SGPP2: variants seen among roughly 807,000 people sequenced by gnomAD.
SGPP2 encodes sphingosine-1-phosphate phosphatase 2, also known as sphingosine 1-phosphate phosphohydrolase 2.
A neutral mutation model predicts 33.9 loss-of-function variants in SGPP2; 30 were observed. The observed-to-expected ratio is 0.89, with a 90% CI of 0.66 to 1.20. SGPP2 has a LOEUF of 1.20. Among genes scored for constraint, SGPP2 ranks in the 50% most tolerant of loss-of-function variants. SGPP2 has a pLI of 0.00. For missense variants in SGPP2, 458 were observed against 532.1 expected (o/e 0.86, Z 1.37); for synonymous variants, 233 against 225.0 (o/e 1.04, Z -0.32).
intron 4 of SGPP2, among the ~76,000 whole-genome samples, chr2:222,526,018 A>G (rs1467429752): frequency 6.6e-6 from 1 of 152,208 alleles, no homozygotes; most frequent in Non-Finnish European, 1.5e-5. Flanking sequence ...CCAAGGGTCT[A>G]TCAGAGAGCA....
In SGPP2 at chr2:222,456,447, A is replaced by G. The variant is rs182911031; in HGVS notation, c.220-18121A>G. Among the ~76,000 whole-genome samples the G allele has an allele frequency of 1.4e-3, 206 of 152,326 alleles. 2 individuals are homozygous for G. The highest frequency in any genetic ancestry group is 4.7e-3 in the African/African-American group (197 of 41,560). On this transcript the variant is annotated intron_variant, in intron 1 of 4. Transcript: ENST00000321276. ...TTTTGTTAAATTTAAATAGCCACAT[A>G]TGGATACCATATTGAACAGCACAGC...
intron 4 of SGPP2, among the ~76,000 whole-genome samples, chr2:222,547,071 T>C (rs976874271): frequency 3.0e-4 from 45 of 152,182 alleles, no homozygotes; most frequent in African/African-American, 1.1e-3. Flanking sequence ...ACTGAAACAG[T>C]GTAGATGCAC....
At chr2:222,536,459 C>T (rs1473631520) in intron 4 of SGPP2, among the ~76,000 whole-genome samples, 1 of 152,278 alleles carries the variant, frequency 6.6e-6, no homozygotes, top group Middle Eastern at 3.4e-3. Context: ...GCAGGTGGAT[C>T]ACCTGAGGTC....
chr2:222,561,320 C>T lies in SGPP2; in HGVS notation c.*2422C>T, dbSNP rs116284465. 3.0e-3 allele frequency among the ~76,000 whole-genome samples: 460 copies of T among 152,076 alleles called. 2 individuals are homozygous for T. Among genetic ancestry groups the T allele is most frequent in the African/African-American group, 0.01 (434 of 41,492 alleles). ...CCCCTGCAGAGCAGTGGCTGTCAGC[C>T]GGATGCGGCACTTTTCTGTATTTTC... is the stretch of plus-strand genomic sequence containing the variant. On this transcript the variant is annotated 3_prime_UTR_variant, in exon 5 of 5. Coordinates refer to ENST00000321276, the MANE Select transcript of SGPP2 (RefSeq NM_152386.4).
intron 2 of SGPP2, among the ~76,000 whole-genome samples, chr2:222,517,320 G>T (rs1276307890): frequency 6.6e-6 from 1 of 152,208 alleles, no homozygotes; most frequent in Non-Finnish European, 1.5e-5. Context: ...CAGAAGAGCA[G>T]AAGAGCAGCA....
intron 1 of SGPP2, among the ~76,000 whole-genome samples, chr2:222,429,931 C>T (rs1249903010): frequency 6.6e-6 from 1 of 152,198 alleles, no homozygotes; most frequent in Non-Finnish European, 1.5e-5. Flanking sequence ...AAATAAACCA[C>T]TTTGGCTTCT....
At chr2:222,453,117 C>CAAA in intron 1 of SGPP2, 1 of 552,548 alleles carries the variant, frequency 1.8e-6, no homozygotes, top group Non-Finnish European at 3.1e-6. Flanking sequence ...CAGGACTATC[C>CAAA]TCAGATCCAT....
chr2:222,516,605 C>T (rs1698607410), intron 2 of SGPP2, among the ~76,000 whole-genome samples: 1 of 152,134 alleles, frequency 6.6e-6, no homozygotes, highest in Non-Finnish European at 1.5e-5. Flanking sequence ...AGAAACTTAT[C>T]ATATAAGTAT....
In SGPP2 at chr2:222,521,834, T is replaced by C. The variant is rs1351543185; in HGVS notation, c.446T>C (p.Val149Ala). The C allele has an allele frequency of 8.7e-6, 14 of 1,611,082 alleles. No individual in the cohort carries two copies. Among genetic ancestry groups the C allele is most frequent in the Non-Finnish European group, 1.2e-5 (14 of 1,179,020 alleles). ...TGGCCCCGTCCCTCCTCCCCTCCAG[T>C]TGTAAAACTGGAAAAGAGACTGATC... is the stretch of plus-strand genomic sequence containing the variant. ...LKWPRPSSPP[V>A]VKLEKRLIAE... Residue 149 changes from valine (V) to alanine (A), a missense_variant, in exon 3 of 5, where the codon GTT becomes GCT. Transcript: ENST00000321276.
intron 4 of SGPP2, among the ~76,000 whole-genome samples, chr2:222,533,957 C>G (rs1698877109): frequency 6.6e-6 from 1 of 152,080 alleles, no homozygotes; most frequent in African/African-American, 2.4e-5. Flanking sequence ...CCAACCCGTG[C>G]GAGCAGTGGC....
chr2:222,491,607 T>G lies in SGPP2; in HGVS notation c.378+16881T>G, dbSNP rs150877836. ...GATCCAATCACCTCCCACCTGGTCC[T>G]TCCCTCAACAGGTGCAGATTATGGG... On this transcript the variant is annotated intron_variant, in intron 2 of 4. Transcript: ENST00000321276. 7.5e-3 allele frequency among the ~76,000 whole-genome samples: 1,139 copies of G among 152,270 alleles called. 12 individuals are homozygous for G. Among genetic ancestry groups the G allele is most frequent in the African/African-American group, 0.023 (964 of 41,562 alleles).
intron 1 of SGPP2, among the ~76,000 whole-genome samples, chr2:222,426,918 G>T (rs1227475368): frequency 6.6e-6 from 1 of 152,176 alleles, no homozygotes; most frequent in East Asian, 1.9e-4. Flanking sequence ...GCGTTGGCCT[G>T]CCTGAGCTGC....
intron 1 of SGPP2, among the ~76,000 whole-genome samples, chr2:222,444,535 G>T (rs972426985): frequency 6.6e-6 from 1 of 152,222 alleles, no homozygotes; most frequent in Non-Finnish European, 1.5e-5. Context: ...AAGCCTGCTG[G>T]TCCCTGCTCT....
At chr2:222,431,231 C>G (rs1260867486) in intron 1 of SGPP2, among the ~76,000 whole-genome samples, 1 of 151,390 alleles carries the variant, frequency 6.6e-6, no homozygotes, top group Non-Finnish European at 1.5e-5. Context: ...TGGTGGCTCT[C>G]TTGAGGTCAG....
At chr2:222,463,885 T>C (rs376278725) in intron 1 of SGPP2, among the ~76,000 whole-genome samples, 1 of 152,188 alleles carries the variant, frequency 6.6e-6, no homozygotes, top group East Asian at 1.9e-4. Context: ...CAGAAAATGT[T>C]TTTTGAAGGG....
At chr2:222,449,584 C>T (rs1288355911) in intron 1 of SGPP2, among the ~76,000 whole-genome samples, 1 of 152,048 alleles carries the variant, frequency 6.6e-6, no homozygotes, top group Non-Finnish European at 1.5e-5. Context: ...ATTCTCCTGC[C>T]TCAGCCTCCC....
Position 222,555,928 on chromosome 2 carries a change from C to T in SGPP2, c.649-2419C>T, listed in dbSNP as rs565524561. Among the ~76,000 whole-genome samples the T allele has an allele frequency of 3.9e-5, 6 of 152,330 alleles. No individual in the cohort carries two copies. The South Asian group carries it at 1.2e-3, about 32-fold the overall frequency. ...CATTCTGATTGTTGTAGCAAGGTCA[C>T]ATGATTACCCCTGCGCTATTCACTA... On this transcript the variant is annotated intron_variant, in intron 4 of 4. Transcript: ENST00000321276.
chr2:222,541,715 G>A (rs1358379547), intron 4 of SGPP2, among the ~76,000 whole-genome samples: 2 of 152,022 alleles, frequency 1.3e-5, no homozygotes, highest in African/African-American at 4.8e-5. Context: ...CTGGGTGCAA[G>A]TGATTCTCGT....
At chr2:222,433,765 T>G (rs1411693735) in intron 1 of SGPP2, among the ~76,000 whole-genome samples, 3 of 152,224 alleles carry the variant, frequency 2.0e-5, no homozygotes, top group Non-Finnish European at 2.9e-5. Context: ...ATGAATAACT[T>G]TTTAATTGCT....
Sources: gnomAD v4.1 joint callset for allele counts (sites outside exome capture counted in the v4.1 genomes callset) on GRCh38, gnomAD v4.1.1 for gene constraint, MANE v1.5 for transcripts, NCBI Gene and HGNC (gene_info 2026-07-23, HGNC 2026-07-21) for gene names.